GLDC: variants seen among roughly 807,000 people sequenced by gnomAD.
The protein encoded by GLDC is glycine decarboxylase, also known as glycine dehydrogenase (decarboxylating), mitochondrial.
A neutral mutation model predicts 121.3 loss-of-function variants in GLDC; 104 were observed. That is an observed-to-expected ratio of 0.86 (90% CI 0.73 to 1.01). GLDC has a LOEUF of 1.01. Ranked by LOEUF, GLDC falls within the 50% of genes least tolerant of loss-of-function variation. The pLI, the probability that GLDC is intolerant of heterozygous loss-of-function variation, is 0.00. For missense variants in GLDC, 1,429 were observed against 1,306.6 expected (o/e 1.09, Z -1.44); for synonymous variants, 546 against 480.6 (o/e 1.14, Z -1.78).
Position 6,595,070 on chromosome 9 carries a change from T to C in GLDC, c.1205A>G (p.His402Arg), listed in dbSNP as rs763451428. ...AAMFAIYHGSHGLEHIARRVH... is the reference protein window; with the variant it reads ...AAMFAIYHGSRGLEHIARRVH... ...CCTCCTAGCAATATGCTCCAGCCCA[T>C]GGGAACCATGGTAGATTGCAAACAT... Residue 402 changes from histidine (H) to arginine (R), a missense_variant, in exon 9 of 25, where the codon CAT becomes CGT. By Grantham distance (29) the His-to-Arg change is conservative. Coordinates refer to ENST00000321612, the MANE Select transcript of GLDC (RefSeq NM_000170.3). The C allele has an allele frequency of 2.5e-6, 4 of 1,613,546 alleles. No individual in the cohort carries two copies. Among genetic ancestry groups the C allele is most frequent in the Admixed American group, 1.7e-5 (1 of 60,004 alleles).
rs1210682949 is a variant in GLDC, at chr9:6,606,668, G to T, written c.637C>A (p.His213Asn). 2 of 1,589,520 alleles carry T rather than the reference G, an allele frequency of 1.3e-6. No individual in the cohort carries two copies. The highest frequency in any genetic ancestry group is 1.7e-6 in the Non-Finnish European group (2 of 1,158,218). ...AAEALQLCYR[H>N]NKRRKFLVDP... Reference sequence around the variant, plus strand: ...ACGAGAAATTTCCTCCTCTTGTTGTGTCTGTTGAAAAGAAAAAGCACATTC... The same window carrying T: ...ACGAGAAATTTCCTCCTCTTGTTGTTTCTGTTGAAAAGAAAAAGCACATTC... Residue 213 changes from histidine to asparagine, a missense_variant and splice_region_variant, in exon 5 of 25, where the codon CAC becomes AAC. Coordinates refer to ENST00000321612, the MANE Select transcript of GLDC (RefSeq NM_000170.3).
intron 2 of GLDC, among the ~76,000 whole-genome samples, chr9:6,622,585 C>T (rs897659160): frequency 1.3e-5 from 2 of 152,130 alleles, no homozygotes; most frequent in Non-Finnish European, 2.9e-5. Context: ...GTGATCTCGG[C>T]TCGCTACAAC....
intron 8 of GLDC, among the ~76,000 whole-genome samples, chr9:6,599,917 G>C (rs756579808): frequency 4.5e-4 from 68 of 152,162 alleles, no homozygotes; most frequent in South Asian, 8.3e-4. Context: ...AAGACCCGTG[G>C]CTGCAGAACC....
chr9:6,635,703 A>C (rs548065489), intron 2 of GLDC, among the ~76,000 whole-genome samples: 1 of 151,820 alleles, frequency 6.6e-6, no homozygotes, highest in South Asian at 2.1e-4. Context: ...TGAGACCCCC[A>C]TGTCTACAAA....
chr9:6,546,063 ATTCTATATGCTTTC>A (rs1817381596), intron 21 of GLDC, among the ~76,000 whole-genome samples: 1 of 152,110 alleles, frequency 6.6e-6, no homozygotes, highest in Admixed American at 6.6e-5. Context: ...CAATGTCCTT[ATTCTATATGCTTTC>A]TTCTATATTT....
chr9:6,642,154 T>G (rs1005066911), intron 2 of GLDC, among the ~76,000 whole-genome samples: 6 of 152,180 alleles, frequency 3.9e-5, no homozygotes, highest in African/African-American at 1.4e-4. Context: ...ATGGGGGGAC[T>G]TCTGATTGTG....
chr9:6,532,477 G>A lies in GLDC; in HGVS notation c.*540C>T, dbSNP rs7848919. ...AAGAGAAAGGCATTCTTCCGATCAAGATGCTTTTATTAGAATACTAATAAA... is the reference window on the plus strand; with the variant it reads ...AAGAGAAAGGCATTCTTCCGATCAAAATGCTTTTATTAGAATACTAATAAA... On this transcript the variant is annotated 3_prime_UTR_variant, in exon 25 of 25. Transcript: ENST00000321612. The A allele has an allele frequency of 0.71, 109,268 of 154,584 alleles. 38,956 individuals are homozygous for A. The highest frequency in any genetic ancestry group is 0.97 in the East Asian group (5,039 of 5,190). The allele number at this position is 154,584 out of a possible 1,614,324, so 9.6% of individuals were successfully genotyped here.
chr9:6,559,598 G>A (rs1292858248), intron 16 of GLDC, among the ~76,000 whole-genome samples: 1 of 148,932 alleles, frequency 6.7e-6, no homozygotes, highest in Non-Finnish European at 1.5e-5. Context: ...TTCGGGAGGT[G>A]GAGGTCAGGA....
At chr9:6,582,815 C>A (rs1159138370) in intron 15 of GLDC, among the ~76,000 whole-genome samples, 11 of 148,702 alleles carry the variant, frequency 7.4e-5, no homozygotes, top group Admixed American at 1.3e-4. Context: ...GGCGACAGAG[C>A]GAGACCTCGT....
chr9:6,623,584 T>A lies in GLDC; in HGVS notation c.335-3265A>T, dbSNP rs544989590. 3.4e-3 allele frequency among the ~76,000 whole-genome samples: 509 copies of A among 149,022 alleles called. 5 individuals are homozygous for A. Among genetic ancestry groups the A allele is most frequent in the African/African-American group, 0.012 (486 of 40,322 alleles). ...GTCCTATGACCCTGCCAAATCCCCC[T>A]CTGAGAGAAACACCCAAGAATGATC... On this transcript the variant is annotated intron_variant, in intron 2 of 24. Transcript: ENST00000321612.
intron 15 of GLDC, among the ~76,000 whole-genome samples, chr9:6,582,689 T>C (rs1431676201): frequency 2.7e-5 from 4 of 149,980 alleles, no homozygotes; most frequent in Admixed American, 6.6e-5. Flanking sequence ...ATTAGCCGGG[T>C]GTGGTGGCAT....
intron 24 of GLDC, among the ~76,000 whole-genome samples, chr9:6,533,671 C>G (rs980984531): frequency 1.2e-4 from 18 of 151,558 alleles, no homozygotes; most frequent in South Asian, 4.2e-4. Flanking sequence ...CCAGCCTGAT[C>G]GACATGGAGA....
chr9:6,610,044 T>G (rs1818819454), intron 4 of GLDC, 148 bp downstream of exon 4: 1 of 671,808 alleles, frequency 1.5e-6, no homozygotes, highest in Non-Finnish European at 2.6e-6. Context: ...CCTCTAGGTT[T>G]TTGAACCTGT....
intron 2 of GLDC, among the ~76,000 whole-genome samples, chr9:6,638,644 A>C (rs1819561524): frequency 6.6e-6 from 1 of 151,860 alleles, no homozygotes; most frequent in Non-Finnish European, 1.5e-5. Context: ...GAACTTTTTA[A>C]CTGTCTGTCT....
chr9:6,587,100 A>T, intron 15 of GLDC, 41 bp downstream of exon 15: 1 of 1,564,716 alleles, frequency 6.4e-7, no homozygotes, highest in Non-Finnish European at 8.8e-7. Flanking sequence ...ATGCTATACA[A>T]GAATAGATTG....
rs1587922096 is a variant in GLDC, at chr9:6,553,370, T to C, written c.2455A>G (p.Lys819Glu). 1 of 1,613,750 alleles carries C rather than the reference T, an allele frequency of 6.2e-7. No homozygotes were observed. Among genetic ancestry groups the C allele is most frequent in the Non-Finnish European group, 8.5e-7 (1 of 1,179,848 alleles). ...CTGCACATACTCCCAGGCCTCACCTTGATATAAGCCCAGGAAATGGGCAAG... is the reference window on the plus strand; with the variant it reads ...CTGCACATACTCCCAGGCCTCACCTCGATATAAGCCCAGGAAATGGGCAAG... ...SILPISWAYI[K>E]MMGGKGLKQA... Residue 819 changes from lysine (K) to glutamate (E), a missense_variant and splice_region_variant, in exon 20 of 25, where the codon AAG becomes GAG. By Grantham distance (56) the Lys-to-Glu change is moderately conservative. Transcript: ENST00000321612.
intron 18 of GLDC, among the ~76,000 whole-genome samples, chr9:6,555,838 G>C (rs972246013): frequency 1.3e-5 from 2 of 151,998 alleles, no homozygotes; most frequent in Non-Finnish European, 2.9e-5. Context: ...ACACCAATAA[G>C]AGTCTCAAAA....
At chr9:6,574,254 G>C (rs1043637209) in intron 15 of GLDC, among the ~76,000 whole-genome samples, 7 of 152,094 alleles carry the variant, frequency 4.6e-5, no homozygotes, top group African/African-American at 1.7e-4. Context: ...GATCACCTGA[G>C]GTCAGGAGTT....
At chr9:6,570,902 T>C (rs1378936803) in intron 15 of GLDC, among the ~76,000 whole-genome samples, 1 of 141,728 alleles carries the variant, frequency 7.1e-6, no homozygotes, top group Admixed American at 7.0e-5. Flanking sequence ...TTAAAAAAAA[T>C]ATTTTATTAC....
Sources: gnomAD v4.1 joint callset for allele counts (sites outside exome capture counted in the v4.1 genomes callset) on GRCh38, gnomAD v4.1.1 for gene constraint, MANE v1.5 for transcripts, NCBI Gene and HGNC (gene_info 2026-07-23, HGNC 2026-07-21) for gene names.